CPSF1: variants seen among roughly 807,000 people sequenced by gnomAD.
CPSF1 encodes the protein cleavage and polyadenylation specificity factor subunit 1.
Under a neutral mutation model 175.8 loss-of-function variants are expected in CPSF1, and 106 were observed. The observed-to-expected ratio is 0.60, with a 90% CI of 0.52 to 0.71. The LOEUF (loss-of-function observed/expected upper bound fraction) is 0.71, where lower values mean the gene tolerates loss of function less well. Ranked by LOEUF, CPSF1 falls within the 30% of genes least tolerant of loss-of-function variation. CPSF1 has a pLI of 0.00. For synonymous variants in CPSF1, 1,024 were observed against 858.3 expected, an observed-to-expected ratio of 1.19 and a Z score of -3.37; for missense variants, 1,734 against 2,022.9, an observed-to-expected ratio of 0.86 and a Z score of 2.74.
chr8:144,400,135 G>GGGCCCGCCCC, intron 9 of CPSF1, 31 bp downstream of exon 9: 1 of 896,012 alleles, frequency 1.1e-6, no homozygotes, highest in Non-Finnish European at 1.6e-6. Flanking sequence ...CCGTCCCCGG[G>GGGCCCGCCCC]CCCCCCCCGC....
In CPSF1 at chr8:144,394,426, G is replaced by T; in HGVS notation, c.3697C>A (p.Leu1233Met). ...TTGCTTTCCTCCTGGTAGCGCAGCA[G>T]CGAAATGCTCTTCATGACGTCGGCT... Reference protein sequence around the residue: ...LAADVMKSISLLRYQEESKTL... With the variant: ...LAADVMKSISMLRYQEESKTL... The change falls in exon 32 of 38, where the codon CTG becomes ATG. Residue 1233 changes from leucine (L) to methionine (M), a missense_variant. Leu to Met is a conservative substitution (Grantham distance 15). Around this residue, in one of 10 missense-constraint regions of CPSF1, gnomAD observed 323 missense variants for 338.5 expected, o/e 0.95. Coordinates refer to ENST00000616140, the MANE Select transcript of CPSF1 (RefSeq NM_013291.3). 1 of 1,608,532 alleles carries T rather than the reference G, an allele frequency of 6.2e-7. No individual in the cohort carries two copies. Among genetic ancestry groups the T allele is most frequent in the East Asian group, 2.2e-5 (1 of 44,708 alleles).
intron 27 of CPSF1, 31 bp from the exon 28 acceptor site, chr8:144,395,386 G>A: frequency 6.2e-7 from 1 of 1,612,484 alleles, no homozygotes; most frequent in East Asian, 2.2e-5. Flanking sequence ...CACACCAGTG[G>A]CCCGGCCAGG....
chr8:144,400,135 G>GGGGGGGGCCCCCCC, intron 9 of CPSF1, 31 bp downstream of exon 9: 7 of 895,990 alleles, frequency 7.8e-6, no homozygotes, highest in Non-Finnish European at 9.6e-6. Flanking sequence ...CCGTCCCCGG[G>GGGGGGGGCCCCCCC]CCCCCCCCGC....
rs2116913247 is a variant in CPSF1 at position 144,409,111 on chromosome 8, G to A, written c.48C>T (p.Phe16=). 1.2e-6 allele frequency: 2 copies of A among 1,613,842 alleles called. No individual in the cohort carries two copies. The highest frequency in any genetic ancestry group is 2.2e-5 in the East Asian group (1 of 44,878). Residue 16 remains phenylalanine (F), a synonymous_variant, in exon 2 of 38, where the codon TTC becomes TTT. Coordinates refer to ENST00000616140, the MANE Select transcript of CPSF1 (RefSeq NM_013291.3). ...TGTTGAAGAAGTTGCAGTACATGGA[G>A]AACTCCAGACCGGTGGGCGGATGCG... is the stretch of plus-strand genomic sequence containing the variant. ...KQAHPPTGLE[F]SMYCNFFNNS... is the part of the protein sequence containing the mutation.
In CPSF1 at chr8:144,396,936, G is replaced by A; in HGVS notation, c.2593-7C>T. 2.5e-6 allele frequency: 4 copies of A among 1,605,284 alleles called. No homozygotes were observed. In the Admixed American group the frequency reaches 5.0e-5, roughly 20 times the overall value. ...GCTCTTGGTCCACATGCACCTGGCA[G>A]GATGAGGGGAGCCATGGGGGAACGG... On this transcript the variant is annotated splice_region_variant and splice_polypyrimidine_tract_variant and intron_variant, in intron 23 of 37. Coordinates refer to ENST00000616140, the MANE Select transcript of CPSF1 (RefSeq NM_013291.3).
At chr8:144,407,217 CTTT>C (rs797033988) in intron 2 of CPSF1, among the ~76,000 whole-genome samples, 8 of 138,382 alleles carry the variant, frequency 5.8e-5, no homozygotes, top group South Asian at 2.3e-4. Flanking sequence ...CGTGCCTGGC[CTTT>C]TTTTTTTTTT....
chr8:144,408,441 C>G lies in CPSF1; in HGVS notation c.144+574G>C, dbSNP rs183483293. Among the ~76,000 whole-genome samples, 254 of 152,324 alleles carry G rather than the reference C, an allele frequency of 1.7e-3. 1 individual carries two copies. The highest frequency in any genetic ancestry group is 5.8e-3 in the African/African-American group (240 of 41,582). On this transcript the variant is annotated intron_variant, in intron 2 of 37. Transcript: ENST00000616140. ...AAAACACCACTGTATTTCCCAAACC[C>G]TTGAGGCGTGTGCCCCACTGTACCA...
In CPSF1 at chr8:144,397,804, C is replaced by A. The variant is rs1269892470; in HGVS notation, c.2149G>T (p.Ala717Ser). 6.2e-7 allele frequency: 1 copy of A among 1,610,794 alleles called. No individual in the cohort carries two copies. Among genetic ancestry groups the A allele is most frequent in the Non-Finnish European group, 8.5e-7 (1 of 1,179,262 alleles). The change falls in exon 21 of 38, where the codon GCC (alanine) becomes TCC (serine). Residue 717 changes from alanine (A) to serine (S), a missense_variant. Ala to Ser is a moderately conservative substitution (Grantham distance 99). Around this residue, in one of 10 missense-constraint regions of CPSF1, gnomAD observed 585 missense variants for 584.7 expected, o/e 1.00. Coordinates refer to ENST00000616140, the MANE Select transcript of CPSF1 (RefSeq NM_013291.3). ...CTGCGGCCCCCGAGCTCGTCACGGG[C>A]CCCACCCAGGCGGCTCTCAGTGGTG... Reference protein sequence around the residue: ...MFTTESRLGGARDELGGRSGP... With the variant: ...MFTTESRLGGSRDELGGRSGP...
In CPSF1 at chr8:144,393,657, C is replaced by T. The variant is rs2272660; in HGVS notation, c.4145+10G>A. The T allele has an allele frequency of 1.7e-3, 2,685 of 1,565,594 alleles. 90 individuals are homozygous for T. In the East Asian group the frequency reaches 0.057, roughly 33 times the overall value. ...AGGGGGTGCTGCACGGGGGCGGGGC[C>T]GGGGCTCACCGGAAGGCGCGGGGGT... is the stretch of plus-strand genomic sequence containing the variant. On this transcript the variant is annotated intron_variant, in intron 36 of 37. Coordinates refer to ENST00000616140, the MANE Select transcript of CPSF1 (RefSeq NM_013291.3).
intron 26 of CPSF1, 59 bp from the exon 27 acceptor site, chr8:144,395,610 G>A: frequency 2.1e-6 from 3 of 1,446,224 alleles, no homozygotes; most frequent in Non-Finnish European, 2.9e-6. Flanking sequence ...GGGGCAGGCA[G>A]GCCCAGGCCG....
chr8:144,408,531 T>C (rs1483101534), intron 2 of CPSF1, among the ~76,000 whole-genome samples: 4 of 152,204 alleles, frequency 2.6e-5, no homozygotes, highest in Non-Finnish European at 5.9e-5. Context: ...ACCAATGTCC[T>C]TCCCCCGACA....
rs1554862308 is a variant in CPSF1, at chr8:144,393,712, G to C, written c.4100C>G (p.Thr1367Ser). The change falls in exon 36 of 38, where the codon ACC becomes AGC. Residue 1367 changes from threonine to serine, a missense_variant. This residue lies in a region of CPSF1 where 323 missense variants were observed against 338.5 expected (regional missense o/e 0.95). Transcript: ENST00000616140. Reference protein sequence around the residue: ...RRLLMLQNALTTMLPHHAGLN... With the variant: ...RRLLMLQNALSTMLPHHAGLN... ...GCCGGCGTGGTGTGGCAGCATGGTGGTCAGCGCGTTCTGCAGCATCAGCAG... is the reference window on the plus strand; with the variant it reads ...GCCGGCGTGGTGTGGCAGCATGGTGCTCAGCGCGTTCTGCAGCATCAGCAG... 3 of 1,567,752 alleles carry C rather than the reference G, an allele frequency of 1.9e-6. No individual in the cohort carries two copies. Among genetic ancestry groups the C allele is most frequent in the East Asian group, 4.6e-5 (2 of 43,248 alleles).
intron 1 of CPSF1, 52 bp from the exon 2 acceptor site, chr8:144,409,224 C>A: frequency 7.5e-7 from 1 of 1,328,516 alleles, no homozygotes; most frequent in Non-Finnish European, 9.7e-7. Flanking sequence ...CGCAGGAGCC[C>A]GGCCCCGCAC....
At chr8:144,397,048 TG>T in intron 23 of CPSF1, 119 bp from the exon 24 acceptor site, 4 of 599,876 alleles carry the variant, frequency 6.7e-6, no homozygotes, top group Non-Finnish European at 9.8e-6. Context: ...GAGCCATGTA[TG>T]GGAAGGGGCG....
chr8:144,395,222 C>A, intron 28 of CPSF1, 40 bp from the exon 29 acceptor site: 1 of 1,612,692 alleles, frequency 6.2e-7, no homozygotes, highest in Non-Finnish European at 8.5e-7. Flanking sequence ...AGGGCTTCCC[C>A]AAGATGCGGC....
chr8:144,405,867 C>T (rs1821472066), intron 2 of CPSF1, among the ~76,000 whole-genome samples: 2 of 152,096 alleles, frequency 1.3e-5, no homozygotes, highest in Admixed American at 6.6e-5. Flanking sequence ...ATGCTGGGGA[C>T]AGGGGAGAGT....
intron 9 of CPSF1, 31 bp downstream of exon 9, chr8:144,400,135 G>GCCCCCCCCCCCCCC (rs1491238659): frequency 4.8e-4 from 426 of 895,782 alleles, no homozygotes; most frequent in Non-Finnish European, 6.0e-4. Context: ...CCGTCCCCGG[G>GCCCCCCCCCCCCCC]CCCCCCCCGC....
At chr8:144,408,852 A>C (rs1420607191) in intron 2 of CPSF1, among the ~76,000 whole-genome samples, 163 bp downstream of exon 2, 4 of 152,192 alleles carry the variant, frequency 2.6e-5, no homozygotes, top group South Asian at 2.1e-4. Context: ...GTGAGAAAGG[A>C]TCTGAGCACA....
chr8:144,409,229 CCGCACCGCGCCCCTCCCCGGCCT>C, intron 1 of CPSF1, 37 bp downstream of exon 1: 2 of 1,311,258 alleles, frequency 1.5e-6, no homozygotes, highest in Non-Finnish European at 9.8e-7. Context: ...GAGCCCGGCC[CCGCACCGCGCCCCTCCCCGGCCT>C]CGCGCTGCCG....
Sources: allele counts gnomAD v4.1 joint callset (sites outside exome capture counted in the v4.1 genomes callset), GRCh38; gene constraint gnomAD v4.1.1; regional missense constraint gnomAD v4.1.1; transcripts MANE v1.5; gene names NCBI Gene and HGNC (gene_info 2026-07-23, HGNC 2026-07-21).